VAT1: variants seen among roughly 807,000 people sequenced by gnomAD.
VAT1 encodes vesicle amine transport 1.
Under a neutral mutation model 33.3 loss-of-function variants are expected in VAT1, and 24 were observed. The ratio of observed to expected loss-of-function variants is 0.72; its 90% CI spans 0.52 to 1.01. VAT1 has a LOEUF of 1.01. Ranked by LOEUF, VAT1 falls within the 50% of genes least tolerant of loss-of-function variation. The pLI is 0.00. For synonymous variants in VAT1, 212 were observed against 225.0 expected, an observed-to-expected ratio of 0.94 and a Z score of 0.52; for missense variants, 436 against 533.7, an observed-to-expected ratio of 0.82 and a Z score of 1.80.
intron 3 of VAT1, 25 bp downstream of exon 3, chr17:43,018,010 AC>A (rs1191948920): frequency 7.6e-6 from 12 of 1,574,576 alleles, no homozygotes; most frequent in African/African-American, 1.4e-5. Context: ...GTGCCTCCCT[AC>A]CCCCTCCCAT....
intron 1 of VAT1, 77 bp downstream of exon 1, chr17:43,021,859 C>T (rs2050572032): frequency 2.6e-6 from 4 of 1,558,280 alleles, no homozygotes; most frequent in Non-Finnish European, 2.6e-6. Flanking sequence ...CCCTGCCACA[C>T]CCCCGGCGCT....
Position 43,016,348 on chromosome 17 carries a change from G to A in VAT1, c.1057C>T (p.His353Tyr). ...ACTGAGTCAATGTGGGGCTTGATGT[G>A]GCCCTGGTTGTACAGAGCCAGGAGG... is the stretch of plus-strand genomic sequence containing the variant. ...ARLLALYNQG[H>Y]IKPHIDSVWP... The change falls in exon 5 of 6, where the codon CAC becomes TAC. Residue 353 changes from histidine to tyrosine, a missense_variant. Transcript: ENST00000355653. The A allele has an allele frequency of 6.2e-7, 1 of 1,611,398 alleles. No homozygotes were observed. Among genetic ancestry groups the A allele is most frequent in the Non-Finnish European group, 8.5e-7 (1 of 1,180,024 alleles).
chr17:43,020,281 C>T, intron 1 of VAT1: 1 of 985,358 alleles, frequency 1.0e-6, no homozygotes, highest in African/African-American at 1.7e-5. Flanking sequence ...GATTCTTGCC[C>T]TGGACAGGAT....
At position 43,018,094 on chromosome 17, in the gene VAT1, ATG is replaced by A. The variant is rs773040396; in HGVS notation, c.706_707del (p.His236SerfsTer8). The A allele has an allele frequency of 4.3e-6, 7 of 1,613,410 alleles. No individual in the cohort carries two copies. The African/African-American group carries it at 9.4e-5, about 22-fold the overall frequency. On this transcript the variant is annotated frameshift_variant, in exon 3 of 6. Transcript: ENST00000355653. LOFTEE classifies it high-confidence loss of function. ...AGTCAGTCGTGTGATAGTCGATGGGATGTGTGACCCCATTCTCCTTCAGTGCC... is the reference window on the plus strand; with the variant it reads ...AGTCAGTCGTGTGATAGTCGATGGGATGTGACCCCATTCTCCTTCAGTGCC... ...HEALKENGVT[H>X]PIDYHTTDYV...
In VAT1 at chr17:43,015,933, A is replaced by G. The variant is rs1482524495; in HGVS notation, c.*128T>C. 2.5e-5 allele frequency: 27 copies of G among 1,081,786 alleles called. No homozygotes were observed. The highest frequency in any genetic ancestry group is 3.5e-5 in the Non-Finnish European group (25 of 719,388). 67.0% of individuals were successfully genotyped at this position (1,081,786 alleles called of 1,614,324 possible). Reference sequence around the variant, plus strand: ...GGGGCAGGGGAGAGCGGTCATCACCACAGAGACCTTCGGGGGAGGGAGGGC... The same window carrying G: ...GGGGCAGGGGAGAGCGGTCATCACCGCAGAGACCTTCGGGGGAGGGAGGGC... On this transcript the variant is annotated 3_prime_UTR_variant, in exon 6 of 6. Transcript: ENST00000355653.
Position 43,022,002 on chromosome 17 carries a change from A to G in VAT1, c.321T>C (p.Pro107=). The change falls in exon 1 of 6, where the codon CCT becomes CCC. Residue 107 remains proline, a synonymous_variant. Transcript: ENST00000355653. ...CCGCGCCCTCCATGCCCGGAGTGAC[A>G]GGCAGAGGCGGGAGACGGTCGTACA... The part of the protein sequence containing the change: ...QGLYDRLPPL[P]VTPGMEGAGV... 1 of 1,610,264 alleles carries G rather than the reference A, an allele frequency of 6.2e-7. No homozygotes were observed. Among genetic ancestry groups the G allele is most frequent in the Non-Finnish European group, 8.5e-7 (1 of 1,179,438 alleles).
rs756107967 is a variant in VAT1, at chr17:43,022,270, G to A, written c.53C>T (p.Ser18Leu). 6.3e-6 allele frequency: 10 copies of A among 1,590,938 alleles called. No individual in the cohort carries two copies. The South Asian group carries it at 1.0e-4, about 16-fold the overall frequency. ...AEAATGEDAS[S>L]PPPKTEAASD... ...CGCTGCCTCGGTTTTCGGAGGCGGC[G>A]AAGAGGCGTCTTCCCCGGTCGCTGC... is the stretch of plus-strand genomic sequence containing the variant. Residue 18 changes from serine to leucine, a missense_variant, in exon 1 of 6, where the codon TCG becomes TTG. Around this residue, in one of 2 missense-constraint regions of VAT1, gnomAD observed 154 missense variants for 128.3 expected, o/e 1.20. Coordinates refer to ENST00000355653, the MANE Select transcript of VAT1 (RefSeq NM_006373.4).
chr17:43,015,879 C>T lies in VAT1; in HGVS notation c.*182G>A, dbSNP rs1415720104. ...CCCAGACATCCAAATGGTCACTTCC[C>T]AACCTCTTCAGAGGTCAGGAAGCGG... On this transcript the variant is annotated 3_prime_UTR_variant, in exon 6 of 6. Transcript: ENST00000355653. 3 of 723,766 alleles carry T rather than the reference C, an allele frequency of 4.1e-6. No homozygotes were observed. Among genetic ancestry groups the T allele is most frequent in the Admixed American group, 2.4e-5 (1 of 41,378 alleles). 44.8% of individuals were successfully genotyped at this position (723,766 alleles called of 1,614,324 possible).
rs370780345 is a variant in VAT1 at position 43,016,530 on chromosome 17, G to A, written c.875C>T (p.Thr292Met). Residue 292 changes from threonine (T) to methionine (M), a missense_variant, in exon 5 of 6, where the codon ACG becomes ATG. This residue lies in a region of VAT1 where 282 missense variants were observed against 405.4 expected (regional missense o/e 0.70). Transcript: ENST00000355653. ...VVTYGMANLL[T>M]GPKRNLMALA... ...GGCCATCAGGTTCCGTTTGGGGCCC[G>A]TCAGCAGGTTGGCCATTCCTGAAGG... 28 of 1,613,306 alleles carry A rather than the reference G, an allele frequency of 1.7e-5. No individual in the cohort carries two copies. Among genetic ancestry groups the A allele is most frequent in the Middle Eastern group, 1.8e-4 (1 of 5,602 alleles).
At chr17:43,016,730 T>G (rs1042841379) in intron 4 of VAT1, among the ~76,000 whole-genome samples, 182 bp from the exon 5 acceptor site, 2 of 152,088 alleles carry the variant, frequency 1.3e-5, no homozygotes, top group African/African-American at 4.8e-5. Flanking sequence ...TTTAAATTGC[T>G]CTAGGGGCTG....
intron 4 of VAT1, among the ~76,000 whole-genome samples, chr17:43,017,621 A>G (rs556334180): frequency 6.7e-6 from 1 of 150,290 alleles, no homozygotes; most frequent in East Asian, 1.9e-4. Context: ...AGAATTTACT[A>G]TCACTCATAT....
rs185692738 is a variant in VAT1 at position 43,016,236 on chromosome 17, G to C, written c.1098+71C>G. 3.7e-6 allele frequency: 6 copies of C among 1,608,732 alleles called. No homozygotes were observed. The Admixed American group carries it at 1.0e-4, about 27-fold the overall frequency. On this transcript the variant is annotated intron_variant, in intron 5 of 5. Coordinates refer to ENST00000355653, the MANE Select transcript of VAT1 (RefSeq NM_006373.4). ...TGCAGGCAGCCCTCCTCTTCCCCAG[G>C]AATCTGCCCCTTGGGACCCCAGCCT... is the stretch of plus-strand genomic sequence containing the variant.
In VAT1 at chr17:43,016,407, C is replaced by T. The variant is rs1350285192; in HGVS notation, c.998G>A (p.Gly333Asp). Residue 333 changes from glycine (G) to aspartate (D), a missense_variant, in exon 5 of 6, where the codon GGT becomes GAT. By Grantham distance (94) the Gly-to-Asp change is moderately conservative. This residue lies in a region of VAT1 where 282 missense variants were observed against 405.4 expected (regional missense o/e 0.70). Transcript: ENST00000355653. Reference protein sequence around the residue: ...VCGFHLGYLDGEVELVSGVVA... With the variant: ...VCGFHLGYLDDEVELVSGVVA... ...CACACCACTGACCAGCTCCACCTCA[C>T]CATCCAGGTAGCCCAGGTGGAAGCC... The T allele has an allele frequency of 6.2e-6, 10 of 1,613,964 alleles. No individual in the cohort carries two copies. The Admixed American group carries it at 1.0e-4, about 16-fold the overall frequency.
intron 4 of VAT1, among the ~76,000 whole-genome samples, chr17:43,017,336 A>G (rs1332564849): frequency 6.6e-6 from 1 of 151,476 alleles, no homozygotes; most frequent in East Asian, 2.0e-4. Flanking sequence ...TAATCCCAGC[A>G]CTTTGGGAGG....
Position 43,016,500 on chromosome 17 carries a change from G to A in VAT1, c.905C>T (p.Ala302Val), listed in dbSNP as rs2050521927. ...GCTGAACTGATTCCACCATGTCCGG[G>A]CCAGGGCCATCAGGTTCCGTTTGGG... is the stretch of plus-strand genomic sequence containing the variant. ...TGPKRNLMAL[A>V]RTWWNQFSVT... The change falls in exon 5 of 6, where the codon GCC becomes GTC. Residue 302 changes from alanine (A) to valine (V), a missense_variant. Transcript: ENST00000355653. The A allele has an allele frequency of 2.5e-6, 4 of 1,613,880 alleles. No individual in the cohort carries two copies. The highest frequency in any genetic ancestry group is 1.3e-5 in the African/African-American group (1 of 74,918).
Position 43,018,801 on chromosome 17 carries a change from T to G in VAT1, c.388-2A>C. Reference sequence around the variant, plus strand: ...CAACACCATCACCCGGTCTCCTGCCTTGAAGAACAGAAGAGTATCATTCAG... The same window carrying G: ...CAACACCATCACCCGGTCTCCTGCCGTGAAGAACAGAAGAGTATCATTCAG... On this transcript the variant is annotated splice_acceptor_variant, in intron 1 of 5. Transcript: ENST00000355653. LOFTEE classifies it high-confidence loss of function. The G allele has an allele frequency of 6.2e-7, 1 of 1,614,156 alleles. No homozygotes were observed. The highest frequency in any genetic ancestry group is 8.5e-7 in the Non-Finnish European group (1 of 1,180,026).
chr17:43,017,522 G>A (rs1474715506), intron 4 of VAT1, among the ~76,000 whole-genome samples: 1 of 138,902 alleles, frequency 7.2e-6, no homozygotes, highest in Non-Finnish European at 1.5e-5. Context: ...GGCAGAGGTT[G>A]CACTGATCGA....
At position 43,022,283 on chromosome 17, in the gene VAT1, C is replaced by A; in HGVS notation, c.40G>T (p.Glu14Ter). ...EREVAEAATG[E>*]DASSPPPKTE... is the part of the protein sequence containing the mutation. ...TTCGGAGGCGGCGAAGAGGCGTCTT[C>A]CCCGGTCGCTGCCTCGGCTACCTCT... is the stretch of plus-strand genomic sequence containing the variant. Residue 14 changes from glutamate (E) to a stop codon, truncating the protein, a stop_gained, in exon 1 of 6, where the codon GAA (glutamate) becomes TAA (stop). Transcript: ENST00000355653. LOFTEE classifies it high-confidence loss of function. 6.3e-7 allele frequency: 1 copy of A among 1,588,538 alleles called. No individual in the cohort carries two copies.
intron 4 of VAT1, among the ~76,000 whole-genome samples, chr17:43,016,991 C>G (rs1262792880): frequency 6.8e-6 from 1 of 146,614 alleles, no homozygotes; most frequent in African/African-American, 2.5e-5. Context: ...ATGGAGAAAC[C>G]CCGTCTCTAC....
Sources: allele counts gnomAD v4.1 joint callset (sites outside exome capture counted in the v4.1 genomes callset), GRCh38; gene constraint gnomAD v4.1.1; regional missense constraint gnomAD v4.1.1; transcripts MANE v1.5; gene names NCBI Gene and HGNC (gene_info 2026-07-23, HGNC 2026-07-21).